Variants in FSTL4 observed in about 807,000 individuals in gnomAD.
FSTL4 encodes the protein follistatin like 4.
In FSTL4, 28 loss-of-function variants were observed where a neutral mutation model predicts 78.2. The observed-to-expected ratio is 0.36, with a 90% CI of 0.27 to 0.49. The LOEUF (loss-of-function observed/expected upper bound fraction) is 0.49, where lower values mean the gene tolerates loss of function less well. FSTL4 is among the 20% of genes least tolerant of loss of function. The pLI, the probability that FSTL4 is intolerant of heterozygous loss-of-function variation, is 0.98. For missense variants in FSTL4, 922 were observed against 1,084.9 expected, an observed-to-expected ratio of 0.85 and a Z score of 2.11; for synonymous variants, 422 against 440.5, an observed-to-expected ratio of 0.96 and a Z score of 0.53.
At chr5:133,669,358 G>A in the FSTL4 span, among the ~76,000 whole-genome samples, 3 of 152,176 alleles carry the variant, frequency 2.0e-5, no homozygotes, top group Non-Finnish European at 2.9e-5. Flanking sequence ...CCTGCACCCC[G>A]GGGGCTCATC....
At chr5:133,644,985 T>A in the FSTL4 span, among the ~76,000 whole-genome samples, 1 of 152,162 alleles carries the variant, frequency 6.6e-6, no homozygotes, top group Non-Finnish European at 1.5e-5. Flanking sequence ...CTCATAGGGC[T>A]CTGTGAATGT....
At chr5:133,249,060 G>C (rs898500036) in intron 7 of FSTL4, among the ~76,000 whole-genome samples, 1 of 152,202 alleles carries the variant, frequency 6.6e-6, no homozygotes, top group African/African-American at 2.4e-5. Flanking sequence ...TGCTCTCTCT[G>C]CTGGCCTGTG....
intron 4 of FSTL4, among the ~76,000 whole-genome samples, chr5:133,396,320 G>T (rs13173008): frequency 0.26 from 39,541 of 152,032 alleles, 5,486 homozygotes; most frequent in Middle Eastern, 0.38. Context: ...GTAAGTGCTG[G>T]TATTATCCCC....
intron 3 of FSTL4, among the ~76,000 whole-genome samples, chr5:133,425,465 G>C (rs1332318978): frequency 6.6e-6 from 1 of 152,184 alleles, no homozygotes; most frequent in Non-Finnish European, 1.5e-5. Flanking sequence ...GAGATATTAA[G>C]AAAGAGACAA....
intron 3 of FSTL4, among the ~76,000 whole-genome samples, chr5:133,470,663 T>G (rs898160464): frequency 7.9e-5 from 12 of 151,922 alleles, no homozygotes; most frequent in Non-Finnish European, 1.8e-4. Flanking sequence ...GAGAATCGCT[T>G]GAACCCAGGA....
chr5:133,840,591 C>T, the FSTL4 span, among the ~76,000 whole-genome samples: 2 of 152,232 alleles, frequency 1.3e-5, no homozygotes, highest in African/African-American at 4.8e-5. Context: ...TTGAGATGCC[C>T]TCCATGTGCT....
At chr5:133,731,157 G>A in the FSTL4 span, among the ~76,000 whole-genome samples, 2,009 of 152,184 alleles carry the variant, frequency 0.013, 23 homozygotes, top group Non-Finnish European at 0.022. Flanking sequence ...GCCTGATATC[G>A]GGGCCGACAC....
chr5:133,405,270 C>G (rs1756331164), intron 3 of FSTL4, among the ~76,000 whole-genome samples: 1 of 152,194 alleles, frequency 6.6e-6, no homozygotes, highest in African/African-American at 2.4e-5. Flanking sequence ...CTGGAAAGCC[C>G]AAAACTGGCT....
chr5:133,786,363 C>A, the FSTL4 span, among the ~76,000 whole-genome samples: 1 of 152,200 alleles, frequency 6.6e-6, no homozygotes, highest in Non-Finnish European at 1.5e-5. Flanking sequence ...ATTCTTCTGG[C>A]CCCTGCATAA....
At chr5:133,711,455 G>A in the FSTL4 span, among the ~76,000 whole-genome samples, 1 of 152,226 alleles carries the variant, frequency 6.6e-6, no homozygotes, top group Non-Finnish European at 1.5e-5. Flanking sequence ...GGCCAGGGAT[G>A]GAGGGTGTGA....
chr5:133,343,289 G>A (rs1754625296), intron 4 of FSTL4, among the ~76,000 whole-genome samples: 1 of 152,166 alleles, frequency 6.6e-6, no homozygotes, highest in African/African-American at 2.4e-5. Flanking sequence ...GTCTCCTTAG[G>A]GCCACTAGCG....
the FSTL4 span, among the ~76,000 whole-genome samples, chr5:133,692,163 T>C: frequency 6.6e-6 from 1 of 151,930 alleles, no homozygotes; most frequent in African/African-American, 2.4e-5. Flanking sequence ...GTCTGCCAGA[T>C]GGATAAGAGG....
At chr5:133,285,900 C>G (rs1753116487) in intron 6 of FSTL4, among the ~76,000 whole-genome samples, 1 of 152,246 alleles carries the variant, frequency 6.6e-6, no homozygotes, top group Admixed American at 6.5e-5. Flanking sequence ...TGTCAGCACT[C>G]TCAGGGTTGA....
chr5:133,307,130 C>T (rs766205479), intron 6 of FSTL4, among the ~76,000 whole-genome samples: 4 of 152,160 alleles, frequency 2.6e-5, no homozygotes, highest in Non-Finnish European at 2.9e-5. Flanking sequence ...GTTAGTCAGT[C>T]GCAGAATAAA....
intron 4 of FSTL4, among the ~76,000 whole-genome samples, chr5:133,329,703 C>T (rs1440995790): frequency 6.6e-6 from 1 of 152,174 alleles, no homozygotes; most frequent in African/African-American, 2.4e-5. Flanking sequence ...CCTTCCCCAG[C>T]CCCCTGACTC....
At chr5:133,401,768 C>A (rs1364149427) in intron 3 of FSTL4, among the ~76,000 whole-genome samples, 1 of 152,096 alleles carries the variant, frequency 6.6e-6, no homozygotes, top group Non-Finnish European at 1.5e-5. Flanking sequence ...AGAAACACAG[C>A]AGGCTTGAGC....
chr5:133,676,474 C>T, the FSTL4 span, among the ~76,000 whole-genome samples: 1 of 152,172 alleles, frequency 6.6e-6, no homozygotes, highest in Admixed American at 6.5e-5. Flanking sequence ...TTTCAGTTCT[C>T]CAAAAATCCT....
intron 3 of FSTL4, among the ~76,000 whole-genome samples, chr5:133,460,533 A>G (rs1757571681): frequency 6.6e-6 from 1 of 152,202 alleles, no homozygotes; most frequent in South Asian, 2.1e-4. Flanking sequence ...CTCTATTCCT[A>G]GAGAAGCCTA....
At chr5:133,488,754 G>A (rs1474081630) in intron 3 of FSTL4, among the ~76,000 whole-genome samples, 2 of 152,156 alleles carry the variant, frequency 1.3e-5, no homozygotes, top group Admixed American at 6.5e-5. Flanking sequence ...TGTGGGATGG[G>A]AGTGGGTATG....
Sources: allele counts gnomAD v4.1 joint callset (sites outside exome capture counted in the v4.1 genomes callset), GRCh38; gene constraint gnomAD v4.1.1; transcripts MANE v1.5; gene names NCBI Gene and HGNC (gene_info 2026-07-23, HGNC 2026-07-21).